Variants in AVL9 observed in about 807,000 individuals in gnomAD.
AVL9 encodes AVL9 cell migration associated.
AVL9 carries 49 observed loss-of-function variants against 79.2 expected under a neutral mutation model. The ratio of observed to expected loss-of-function variants is 0.62; its 90% confidence interval spans 0.49 to 0.79. The LOEUF (loss-of-function observed/expected upper bound fraction) is 0.79, where lower values mean the gene tolerates loss of function less well. Among genes scored for constraint, AVL9 ranks in the 30% least tolerant of loss-of-function variants. The pLI is 0.00. For synonymous variants in AVL9, 299 were observed against 280.6 expected, an observed-to-expected ratio of 1.07 and a Z score of -0.65; for missense variants, 682 against 776.8, an observed-to-expected ratio of 0.88 and a Z score of 1.45.
intron 10 of AVL9, among the ~76,000 whole-genome samples, chr7:32,561,195 C>T (rs1790315750): frequency 6.6e-6 from 1 of 152,220 alleles, no homozygotes; most frequent in African/African-American, 2.4e-5. Context: ...TCCTTTGAAG[C>T]TTTAAAGCCA....
intron 10 of AVL9, among the ~76,000 whole-genome samples, chr7:32,563,770 C>T (rs1790432631): frequency 6.6e-6 from 1 of 152,110 alleles, no homozygotes; most frequent in Admixed American, 6.6e-5. Flanking sequence ...GTTTACCCAG[C>T]TTTGCAAAAA....
intron 9 of AVL9, 97 bp from the exon 10 acceptor site, chr7:32,558,832 G>C (rs753046087): frequency 3.7e-5 from 44 of 1,187,420 alleles, no homozygotes; most frequent in Non-Finnish European, 5.0e-5. Flanking sequence ...TACAAGCATA[G>C]CTTATTAAAT....
intron 11 of AVL9, 36 bp from the exon 12 acceptor site, chr7:32,573,163 T>C (rs755119806): frequency 9.0e-6 from 14 of 1,556,146 alleles, no homozygotes; most frequent in Non-Finnish European, 1.2e-5. Flanking sequence ...TCTGCGTGAA[T>C]GCCCAGACTC....
intron 1 of AVL9, among the ~76,000 whole-genome samples, chr7:32,542,138 G>C (rs1789238561): frequency 6.6e-6 from 1 of 151,062 alleles, no homozygotes; most frequent in African/African-American, 2.4e-5. Flanking sequence ...GGACTGGGTA[G>C]CTGGGGTGGT....
Position 32,503,365 on chromosome 7 carries a change from T to TAGAGAG in AVL9, c.93+7564_93+7565insGAGAGA, listed in dbSNP as rs796351504. ...ATATAGATATAGATATAGAGAGATA[T>TAGAGAG]ATATATATACACACACACACACACA... is the stretch of plus-strand genomic sequence containing the variant. On this transcript the variant is annotated intron_variant, in intron 1 of 15. Coordinates refer to ENST00000318709, the MANE Select transcript of AVL9 (RefSeq NM_015060.3). Among the ~76,000 whole-genome samples, 21 of 103,108 alleles carry TAGAGAG rather than the reference T, an allele frequency of 2.0e-4. No homozygotes were observed. The South Asian group carries it at 2.0e-3, about 10-fold the overall frequency. The allele number at this position is 103,108 out of a possible 152,430, so 67.6% of individuals were successfully genotyped here.
chr7:32,525,545 A>G (rs1788365041), intron 1 of AVL9, among the ~76,000 whole-genome samples: 1 of 152,214 alleles, frequency 6.6e-6, no homozygotes, highest in Non-Finnish European at 1.5e-5. Context: ...TTTCAAAGGA[A>G]AAATGTAATG....
chr7:32,498,674 G>A (rs1362727559), intron 1 of AVL9, among the ~76,000 whole-genome samples: 1 of 149,810 alleles, frequency 6.7e-6, no homozygotes, highest in African/African-American at 2.5e-5. Flanking sequence ...TAGCGTGTTA[G>A]CTTCTAGATG....
chr7:32,558,361 T>A (rs1790176334), intron 8 of AVL9, among the ~76,000 whole-genome samples, 198 bp from the exon 9 acceptor site: 2 of 152,082 alleles, frequency 1.3e-5, no homozygotes, highest in South Asian at 4.1e-4. Flanking sequence ...TTTCACCATG[T>A]TGGCCAGGAT....
intron 1 of AVL9, among the ~76,000 whole-genome samples, chr7:32,511,655 G>C (rs1787679548): frequency 6.6e-6 from 1 of 151,876 alleles, no homozygotes; most frequent in Non-Finnish European, 1.5e-5. Flanking sequence ...GAGCTGGGCA[G>C]GGAGTTCCGG....
Position 32,570,080 on chromosome 7 carries a change from G to T in AVL9, c.1276G>T (p.Val426Phe), listed in dbSNP as rs765857233. The change falls in exon 11 of 16, where the codon GTT becomes TTT. Residue 426 changes from valine (V) to phenylalanine (F), a missense_variant. Physicochemically the swap from Val to Phe is conservative, Grantham distance 50. Coordinates refer to ENST00000318709, the MANE Select transcript of AVL9 (RefSeq NM_015060.3). ...QQHHLLSDVTVRGFVAGATNI... is the reference protein window; with the variant it reads ...QQHHLLSDVTFRGFVAGATNI... ...GCATCATCTTCTCTCCGATGTCACC[G>T]TTCGGGGGTTTGTTGCTGGAGCTAC... 2.5e-6 allele frequency: 4 copies of T among 1,614,166 alleles called. No individual in the cohort carries two copies. In the East Asian group the frequency reaches 8.9e-5, roughly 36 times the overall value.
rs142479771 is a variant in AVL9, at chr7:32,557,306, A to G, written c.610-1253A>G. On this transcript the variant is annotated intron_variant, in intron 8 of 15. Transcript: ENST00000318709. ...GGCCTCAAGTGATCCTCCTGCCTCA[A>G]TCTCCCAAAATGCTGGGATTACAGG... is the stretch of plus-strand genomic sequence containing the variant. Among the ~76,000 whole-genome samples the G allele has an allele frequency of 6.9e-3, 1,050 of 152,080 alleles. 12 individuals carry two copies. Among genetic ancestry groups the G allele is most frequent in the African/African-American group, 0.024 (992 of 41,504 alleles).
In AVL9 at chr7:32,579,529, T is replaced by C; in HGVS notation, c.1689-690T>C. On this transcript the variant is annotated intron_variant, in intron 13 of 15. Transcript: ENST00000318709. ...ATTATATATTATATTATATATTATA[T>C]ATTATATTATATATTATATATTATA... Among the ~76,000 whole-genome samples the C allele has an allele frequency of 1.6e-3, 10 of 6,188 alleles. 2 individuals carry two copies. The highest frequency in any genetic ancestry group is 5.5e-3 in the African/African-American group (10 of 1,818). 4.1% of individuals were successfully genotyped at this position (6,188 alleles called of 152,430 possible).
At chr7:32,566,487 G>A (rs934409351) in intron 10 of AVL9, among the ~76,000 whole-genome samples, 1 of 126,888 alleles carries the variant, frequency 7.9e-6, no homozygotes, top group African/African-American at 3.0e-5. Context: ...AATGTTTAAG[G>A]CTAGTCAAAT....
At chr7:32,541,208 CT>C (rs775446204) in intron 1 of AVL9, among the ~76,000 whole-genome samples, 1 of 151,748 alleles carries the variant, frequency 6.6e-6, no homozygotes, top group South Asian at 2.1e-4. Context: ...GCCTGTACTA[CT>C]TTTTTTAGAA....
Position 32,579,596 on chromosome 7 carries a change from T to A in AVL9, c.1689-623T>A, listed in dbSNP as rs866001292. On this transcript the variant is annotated intron_variant, in intron 13 of 15. Coordinates refer to ENST00000318709, the MANE Select transcript of AVL9 (RefSeq NM_015060.3). ...ATATTATATATTATATATTATATAT[T>A]ATATATTATATTATATATTATATAT... is the stretch of plus-strand genomic sequence containing the variant. Among the ~76,000 whole-genome samples, 10 of 13,622 alleles carry A rather than the reference T, an allele frequency of 7.3e-4. 1 individual carries two copies. The highest frequency in any genetic ancestry group is 4.7e-3 in the South Asian group (2 of 422). The allele number at this position is 13,622 out of a possible 152,430, so 8.9% of individuals were successfully genotyped here.
intron 10 of AVL9, among the ~76,000 whole-genome samples, chr7:32,563,439 C>A (rs1790415632): frequency 6.6e-6 from 1 of 151,068 alleles, no homozygotes; most frequent in African/African-American, 2.4e-5. Flanking sequence ...TATTATTTTT[C>A]TCAATATTTT....
rs1282573346 is a variant in AVL9 at position 32,558,620 on chromosome 7, T to C, written c.671T>C (p.Leu224Pro). 7 of 1,596,848 alleles carry C rather than the reference T, an allele frequency of 4.4e-6. No homozygotes were observed. Among genetic ancestry groups the C allele is most frequent in the Admixed American group, 3.4e-5 (2 of 58,566 alleles). ...GGTGCACTGATGACTGTGTTATCCC[T>C]TTTTCCAGGTAAGAAAACAGCAGTA... ...LVGALMTVLS[L>P]FPGMIEHGLS... The change falls in exon 9 of 16, where the codon CTT (leucine) becomes CCT (proline). Residue 224 changes from leucine to proline, a missense_variant. By Grantham distance (98) the Leu-to-Pro change is moderately conservative (BLOSUM62 -3). Coordinates refer to ENST00000318709, the MANE Select transcript of AVL9 (RefSeq NM_015060.3).
chr7:32,573,255 A>T lies in AVL9; in HGVS notation c.1407A>T (p.Pro469=). The T allele has an allele frequency of 6.2e-7, 1 of 1,613,924 alleles. No individual in the cohort carries two copies. Among genetic ancestry groups the T allele is most frequent in the East Asian group, 2.2e-5 (1 of 44,880 alleles). ...HDPELRKLLN[P]TTADLRFADY... ...CAGAACTCAGGAAGCTGCTTAACCCAACCACTGCAGACCTAAGGTTCGCAG... is the reference window on the plus strand; with the variant it reads ...CAGAACTCAGGAAGCTGCTTAACCCTACCACTGCAGACCTAAGGTTCGCAG... The change falls in exon 12 of 16, where the codon CCA becomes CCT. Residue 469 remains proline, a synonymous_variant. Transcript: ENST00000318709.
intron 3 of AVL9, 86 bp from the exon 4 acceptor site, chr7:32,548,761 A>G (rs1459907771): frequency 1.1e-6 from 1 of 920,858 alleles, no homozygotes; most frequent in African/African-American, 1.7e-5. Flanking sequence ...AATTTCTTAT[A>G]TATAATTTCT....
Sources: gnomAD v4.1 joint callset for allele counts (sites outside exome capture counted in the v4.1 genomes callset) on GRCh38, gnomAD v4.1.1 for gene constraint, MANE v1.5 for transcripts, NCBI Gene and HGNC (gene_info 2026-07-23, HGNC 2026-07-21) for gene names.